The following FER variants were observed in gnomAD, a reference collection of about 807,000 sequenced individuals.
FER encodes tyrosine-protein kinase Fer.
A neutral mutation model predicts 111.0 loss-of-function variants in FER; 63 were observed. The observed-to-expected ratio is 0.57, with a 90% CI of 0.46 to 0.70. FER has a LOEUF of 0.70. Ranked by LOEUF, FER falls within the 30% of genes least tolerant of loss-of-function variation. The pLI is 0.00. For missense variants in FER, 914 were observed against 954.0 expected (o/e 0.96, Z 0.55); for synonymous variants, 327 against 313.9 (o/e 1.04, Z -0.44).
At chr5:108,830,524 C>G (rs1210033553) in intron 3 of FER, 1 of 151,976 alleles carries the variant, frequency 6.6e-6, no homozygotes, top group African/African-American at 2.4e-5. Flanking sequence ...TTAAGGGAGA[C>G]AGTTATATTA....
In FER at chr5:108,946,304, G is replaced by A. The variant is rs560529933; in HGVS notation, c.1329+82G>A. On this transcript the variant is annotated intron_variant, in intron 11 of 19. Coordinates refer to ENST00000281092, the MANE Select transcript of FER (RefSeq NM_005246.4). ...GATGCACTAATGAATATATATATAT[G>A]TGTGTGTGTGTGTATATATATGTAT... The A allele has an allele frequency of 1.1e-3, 760 of 714,456 alleles. 2 individuals carry two copies. Among genetic ancestry groups the A allele is most frequent in the African/African-American group, 9.5e-3 (517 of 54,658 alleles). The allele number at this position is 714,456 out of a possible 1,614,324, so 44.3% of individuals were successfully genotyped here.
At chr5:108,819,570 G>C (rs902715651) in intron 3 of FER, among the ~76,000 whole-genome samples, 1 of 152,158 alleles carries the variant, frequency 6.6e-6, no homozygotes, top group African/African-American at 2.4e-5. Flanking sequence ...AATAAGAGAA[G>C]GCCTGCTGCG....
At chr5:109,153,857 G>T (rs1415782385) in intron 17 of FER, among the ~76,000 whole-genome samples, 1 of 151,788 alleles carries the variant, frequency 6.6e-6, no homozygotes, top group Non-Finnish European at 1.5e-5. Context: ...AGTCACTTCA[G>T]TTATCAGAGC....
At chr5:108,776,194 A>G (rs1290023841) in intron 2 of FER, among the ~76,000 whole-genome samples, 1 of 152,172 alleles carries the variant, frequency 6.6e-6, no homozygotes, top group East Asian at 1.9e-4. Flanking sequence ...TAATAAGAAT[A>G]TATGTTGGGG....
At chr5:109,129,495 C>T (rs1412201747) in intron 17 of FER, among the ~76,000 whole-genome samples, 2 of 151,992 alleles carry the variant, frequency 1.3e-5, no homozygotes, top group Non-Finnish European at 2.9e-5. Flanking sequence ...TTTTATTTCA[C>T]TGCTTTCTAC....
intron 13 of FER, among the ~76,000 whole-genome samples, chr5:108,967,643 C>G (rs1760046113): frequency 6.6e-6 from 1 of 151,436 alleles, no homozygotes; most frequent in Non-Finnish European, 1.5e-5. Context: ...ACCTGTAACC[C>G]CAGCTACCTA....
intron 9 of FER, among the ~76,000 whole-genome samples, chr5:108,895,843 A>C (rs1355854666): frequency 6.6e-6 from 1 of 152,178 alleles, no homozygotes; most frequent in Non-Finnish European, 1.5e-5. Flanking sequence ...TTTTTGAATT[A>C]TATTCAGATG....
intron 3 of FER, among the ~76,000 whole-genome samples, chr5:108,815,066 CT>C (rs1470743998): frequency 2.0e-5 from 3 of 152,192 alleles, no homozygotes; most frequent in Non-Finnish European, 2.9e-5. Flanking sequence ...ACCCTTTTCC[CT>C]AGGAGTCCTG....
rs547563908 is a variant in FER at position 108,763,763 on chromosome 5, A to G, written c.-205-4330A>G. On this transcript the variant is annotated intron_variant, in intron 1 of 19. Transcript: ENST00000281092. Reference sequence around the variant, plus strand: ...CTGTGCAGGAACATGAGAAATGCAGAGTGAATTGTTTCCCAGCAGTAATTC... The same window carrying G: ...CTGTGCAGGAACATGAGAAATGCAGGGTGAATTGTTTCCCAGCAGTAATTC... 2.6e-5 allele frequency among the ~76,000 whole-genome samples: 4 copies of G among 152,322 alleles called. No individual in the cohort carries two copies. The South Asian group carries it at 8.3e-4, about 32-fold the overall frequency.
chr5:109,150,142 G>A (rs1228763890), intron 17 of FER, among the ~76,000 whole-genome samples: 1 of 152,088 alleles, frequency 6.6e-6, no homozygotes, highest in East Asian at 1.9e-4. Flanking sequence ...TGCCAAAAGC[G>A]CTGGGGACCA....
intron 17 of FER, among the ~76,000 whole-genome samples, chr5:109,108,028 C>T (rs964292626): frequency 1.3e-5 from 2 of 151,968 alleles, no homozygotes; most frequent in East Asian, 3.9e-4. Flanking sequence ...TTACCTAGAG[C>T]TAGAGGAGCC....
intron 2 of FER, chr5:108,785,439 G>A: frequency 1.7e-6 from 1 of 581,046 alleles, no homozygotes; most frequent in Non-Finnish European, 3.4e-6. Context: ...AGTACTGGCA[G>A]CAAGGCAGAA....
At chr5:108,921,166 T>C (rs1409276458) in intron 10 of FER, among the ~76,000 whole-genome samples, 1 of 152,188 alleles carries the variant, frequency 6.6e-6, no homozygotes, top group Admixed American at 6.5e-5. Context: ...TATTGCCTTT[T>C]TCCTTTTCTT....
chr5:108,772,088 G>C (rs978563188), intron 2 of FER, among the ~76,000 whole-genome samples: 1 of 152,040 alleles, frequency 6.6e-6, no homozygotes, highest in Non-Finnish European at 1.5e-5. Flanking sequence ...AGGAGGGATG[G>C]AACTGCGAAG....
At chr5:108,807,879 A>C (rs1757364115) in intron 3 of FER, among the ~76,000 whole-genome samples, 4 of 151,872 alleles carry the variant, frequency 2.6e-5, no homozygotes, top group Admixed American at 2.6e-4. Flanking sequence ...TTTACCCACA[A>C]GTCATTCTGG....
At position 109,017,369 on chromosome 5, in the gene FER, A is replaced by G. The variant is rs60578735; in HGVS notation, c.1657-20053A>G. Among the ~76,000 whole-genome samples, 888 of 152,190 alleles carry G rather than the reference A, an allele frequency of 5.8e-3. 10 individuals are homozygous for G. Among genetic ancestry groups the G allele is most frequent in the African/African-American group, 0.02 (830 of 41,560 alleles). On this transcript the variant is annotated intron_variant, in intron 13 of 19. Coordinates refer to ENST00000281092, the MANE Select transcript of FER (RefSeq NM_005246.4). ...ATTTTATTTCATACATTACAAATAC[A>G]AAACATATTGTTTTAAGAATTGCTT...
At chr5:108,987,339 G>A (rs1004656454) in intron 13 of FER, among the ~76,000 whole-genome samples, 14 of 152,050 alleles carry the variant, frequency 9.2e-5, no homozygotes, top group African/African-American at 2.9e-4. Context: ...CCAGCTACTT[G>A]GGAGGCTAAG....
At chr5:109,065,443 T>C (rs1774967712) in intron 16 of FER, among the ~76,000 whole-genome samples, 1 of 152,222 alleles carries the variant, frequency 6.6e-6, no homozygotes, top group Non-Finnish European at 1.5e-5. Context: ...CTCTTTTATT[T>C]GTAAATTTTA....
At chr5:108,988,661 T>C (rs1172396408) in intron 13 of FER, among the ~76,000 whole-genome samples, 1 of 152,146 alleles carries the variant, frequency 6.6e-6, no homozygotes, top group Non-Finnish European at 1.5e-5. Flanking sequence ...TGAGCTTATT[T>C]GGATCTTCTT....
Sources: allele counts gnomAD v4.1 joint callset (sites outside exome capture counted in the v4.1 genomes callset), GRCh38; gene constraint gnomAD v4.1.1; transcripts MANE v1.5; gene names NCBI Gene and HGNC (gene_info 2026-07-23, HGNC 2026-07-21).